The following CELF4 variants were observed in gnomAD, a reference collection of about 807,000 sequenced individuals.
CELF4 encodes CUG-BP- and ETR-3-like factor 4.
In CELF4, 18 loss-of-function variants were observed where a neutral mutation model predicts 59.9. The ratio of observed to expected loss-of-function variants is 0.30; its 90% CI spans 0.21 to 0.45. The LOEUF (loss-of-function observed/expected upper bound fraction) is 0.45. Among genes scored for constraint, CELF4 ranks in the 20% least tolerant of loss-of-function variants. The pLI is 1.00. For synonymous variants in CELF4, 261 were observed against 267.1 expected (o/e 0.98, Z 0.22); for missense variants, 456 against 689.0 (o/e 0.66, Z 3.79).
chr18:37,480,740 A>G (rs2099864438), intron 2 of CELF4, among the ~76,000 whole-genome samples: 1 of 152,026 alleles, frequency 6.6e-6, no homozygotes, highest in Non-Finnish European at 1.5e-5. Flanking sequence ...GAGGGAGGAG[A>G]GGGAAAGGAG....
chr18:37,330,447 T>C (rs2154530916), intron 2 of CELF4, among the ~76,000 whole-genome samples: 1 of 152,324 alleles, frequency 6.6e-6, no homozygotes, highest in Non-Finnish European at 1.5e-5. Context: ...AATGCTTTAA[T>C]TACCTCCTTA....
intron 1 of CELF4, among the ~76,000 whole-genome samples, chr18:37,542,355 G>A (rs1010848662): frequency 3.3e-5 from 5 of 152,312 alleles, no homozygotes; most frequent in Admixed American, 6.5e-5. Flanking sequence ...TGAACTTCAC[G>A]AGCTGGCTGC....
intron 3 of CELF4, among the ~76,000 whole-genome samples, chr18:37,302,085 A>G (rs149437906): frequency 5.6e-4 from 85 of 152,366 alleles, no homozygotes; most frequent in Admixed American, 6.5e-4. Context: ...TGACTTTCAC[A>G]GCGAACAAGT....
intron 2 of CELF4, among the ~76,000 whole-genome samples, chr18:37,396,444 G>T (rs2099246454): frequency 6.6e-6 from 1 of 152,202 alleles, no homozygotes; most frequent in Admixed American, 6.5e-5. Context: ...GATGGGAATA[G>T]GTTTTCAGAA....
rs111659301 is a variant in CELF4, at chr18:37,367,701, T to C, written c.370-45820A>G. 5.1e-4 allele frequency among the ~76,000 whole-genome samples: 77 copies of C among 151,796 alleles called. 1 individual carries two copies. Among genetic ancestry groups the C allele is most frequent in the African/African-American group, 1.8e-3 (76 of 41,386 alleles). ...GTGTTTTTTTCTTTTCTTTCTTTTT[T>C]TTTTTTCTTAAAAGAGAGAAAGAGA... On this transcript the variant is annotated intron_variant, in intron 2 of 12. Transcript: ENST00000420428.
intron 1 of CELF4, among the ~76,000 whole-genome samples, chr18:37,564,999 C>T (rs1036381973): frequency 6.6e-6 from 1 of 152,000 alleles, no homozygotes; most frequent in Non-Finnish European, 1.5e-5. Flanking sequence ...CGAGTCCGTC[C>T]GCTCAGCGTC....
intron 3 of CELF4, among the ~76,000 whole-genome samples, chr18:37,279,811 T>A (rs1401851748): frequency 6.6e-6 from 1 of 152,192 alleles, no homozygotes; most frequent in African/African-American, 2.4e-5. Flanking sequence ...AAGGGTTTCA[T>A]GCTTTTCCAG....
intron 2 of CELF4, among the ~76,000 whole-genome samples, chr18:37,420,310 A>C (rs1269907425): frequency 6.6e-6 from 1 of 152,252 alleles, no homozygotes; most frequent in Non-Finnish European, 1.5e-5. Flanking sequence ...CTGGGCAGCC[A>C]CTGAATGTCT....
intron 1 of CELF4, among the ~76,000 whole-genome samples, chr18:37,498,514 C>G (rs2099927780): frequency 6.7e-6 from 1 of 150,022 alleles, no homozygotes; most frequent in South Asian, 2.1e-4. Context: ...TGACTCCTCC[C>G]TCTTCCCTTA....
intron 5 of CELF4, 41 bp downstream of exon 5, chr18:37,274,764 C>T (rs1601824786): frequency 6.5e-7 from 1 of 1,533,902 alleles, no homozygotes; most frequent in Non-Finnish European, 8.7e-7. Context: ...GGTCTCGGCC[C>T]GCCGCTGCCC....
At chr18:37,501,717 G>A (rs2099932072) in intron 1 of CELF4, among the ~76,000 whole-genome samples, 2 of 152,230 alleles carry the variant, frequency 1.3e-5, no homozygotes, top group African/African-American at 4.8e-5. Context: ...AGTGGAGGTA[G>A]GTAGGAAGAA....
chr18:37,284,238 TACAC>T (rs1290141980), intron 3 of CELF4, among the ~76,000 whole-genome samples: 1 of 147,924 alleles, frequency 6.8e-6, no homozygotes, highest in African/African-American at 2.5e-5. Context: ...CACATACACA[TACAC>T]ACAGATACAC....
At position 37,513,230 on chromosome 18, in the gene CELF4, C is replaced by A. The variant is rs547701427; in HGVS notation, c.287-27623G>T. Reference sequence around the variant, plus strand: ...GTCGCTTTGTCTTCCAAGGAAAACTCTGTGGTATCCCCCATTCTAGAAAGT... The same window carrying A: ...GTCGCTTTGTCTTCCAAGGAAAACTATGTGGTATCCCCCATTCTAGAAAGT... On this transcript the variant is annotated intron_variant, in intron 1 of 12. Coordinates refer to ENST00000420428, the MANE Select transcript of CELF4 (RefSeq NM_020180.4). Among the ~76,000 whole-genome samples the A allele has an allele frequency of 2.6e-5, 4 of 152,314 alleles. No homozygotes were observed. The South Asian group carries it at 8.3e-4, about 32-fold the overall frequency.
chr18:37,470,673 G>C (rs975989210), intron 2 of CELF4, among the ~76,000 whole-genome samples: 1 of 152,104 alleles, frequency 6.6e-6, no homozygotes, highest in Non-Finnish European at 1.5e-5. Context: ...CCCTCCTCAT[G>C]GATCAAACTC....
intron 2 of CELF4, among the ~76,000 whole-genome samples, chr18:37,431,247 A>G (rs12454615): frequency 0.095 from 14,401 of 151,986 alleles, 751 homozygotes; most frequent in East Asian, 0.17. Context: ...TATGCCGAAA[A>G]CAATTGCTTC....
intron 3 of CELF4, among the ~76,000 whole-genome samples, chr18:37,303,232 T>C (rs2096187335): frequency 6.6e-6 from 1 of 152,100 alleles, no homozygotes; most frequent in African/African-American, 2.4e-5. Context: ...CATTGAGGGC[T>C]AAGGGGATTT....
At chr18:37,327,404 C>T (rs2097357362) in intron 2 of CELF4, among the ~76,000 whole-genome samples, 1 of 152,160 alleles carries the variant, frequency 6.6e-6, no homozygotes. Context: ...CCTGCCTATA[C>T]ACGTCTCTTC....
At chr18:37,564,610 T>C (rs557483638) in intron 1 of CELF4, among the ~76,000 whole-genome samples, 4 of 152,216 alleles carry the variant, frequency 2.6e-5, no homozygotes, top group African/African-American at 4.8e-5. Flanking sequence ...CATATTTTTT[T>C]CCCAAAGCCC....
rs1227067118 is a variant in CELF4 at position 37,275,254 on chromosome 18, A to C, written c.449-11T>G. ...AGAGTTTTCTATCTTCTAGAACAAA[A>C]TTAGGAGATGCTTACCCGGGCCAGG... is the stretch of plus-strand genomic sequence containing the variant. On this transcript the variant is annotated splice_polypyrimidine_tract_variant and intron_variant, in intron 3 of 12. Transcript: ENST00000420428. The C allele has an allele frequency of 6.2e-7, 1 of 1,612,226 alleles. No homozygotes were observed. The highest frequency in any genetic ancestry group is 8.5e-7 in the Non-Finnish European group (1 of 1,179,266).
Sources: allele counts gnomAD v4.1 joint callset (sites outside exome capture counted in the v4.1 genomes callset), GRCh38; gene constraint gnomAD v4.1.1; transcripts MANE v1.5; gene names NCBI Gene and HGNC (gene_info 2026-07-23, HGNC 2026-07-21).